Variants in EP400 observed in about 807,000 individuals in gnomAD.
EP400 encodes E1A binding protein p400, also known as E1A-binding protein p400.
In EP400, 105 loss-of-function variants were observed where a neutral mutation model predicts 354.1. The observed-to-expected ratio is 0.30, with a 90% confidence interval of 0.25 to 0.35. The LOEUF is 0.35. Among genes scored for constraint, EP400 ranks in the 10% least tolerant of loss-of-function variants. The pLI is 1.00. For missense variants in EP400, 3,280 were observed against 4,121.0 expected, an observed-to-expected ratio of 0.80 and a Z score of 5.59; for synonymous variants, 1,646 against 1,716.9, an observed-to-expected ratio of 0.96 and a Z score of 1.02.
intron 52 of EP400, among the ~76,000 whole-genome samples, chr12:132,076,991 A>T: frequency 6.6e-6 from 1 of 152,244 alleles, no homozygotes; most frequent in Admixed American, 6.5e-5. Context: ...AGGCGCTTTC[A>T]CTGTTGTCAC....
In EP400 at chr12:132,006,000, T is replaced by G. The variant is rs1893566867; in HGVS notation, c.2936-112T>G. 5 of 989,260 alleles carry G rather than the reference T, an allele frequency of 5.1e-6. No individual in the cohort carries two copies. In the East Asian group the frequency reaches 1.3e-4, roughly 26 times the overall value. The allele number at this position is 989,260 out of a possible 1,614,324, so 61.3% of individuals were successfully genotyped here. The stretch of plus-strand genomic sequence containing the variant: ...TTACAAATAAAAAATTATTGCCTAA[T>G]TCAGTATTTAAAGTAGTTGGATTCT... On this transcript the variant is annotated intron_variant, in intron 13 of 52. Coordinates refer to ENST00000389561, the MANE Select transcript of EP400 (RefSeq NM_015409.5).
At chr12:131,952,992 G>A (rs994388493) in intron 1 of EP400, among the ~76,000 whole-genome samples, 11 of 152,084 alleles carry the variant, frequency 7.2e-5, no homozygotes, top group Non-Finnish European at 1.6e-4. Flanking sequence ...ACCAAATTTG[G>A]AATTCATTTT....
rs995495161 is a variant in EP400 at position 132,038,730 on chromosome 12, C to A, written c.6207+634C>A. Among the ~76,000 whole-genome samples, 2 of 152,154 alleles carry A rather than the reference C, an allele frequency of 1.3e-5. No individual in the cohort carries two copies. Among genetic ancestry groups the A allele is most frequent in the East Asian group, 1.9e-4 (1 of 5,186 alleles). Reference sequence around the variant, plus strand: ...GCTGCTGTGTAGACATGTCACAGACCCGTCACGGGGCCGCTGTTCCCTCCC... The same window carrying A: ...GCTGCTGTGTAGACATGTCACAGACACGTCACGGGGCCGCTGTTCCCTCCC... On this transcript the variant is annotated intron_variant, in intron 32 of 52. Transcript: ENST00000389561. This position sits in a 1 kb window ranked among gnomAD's most constrained non-coding sequence, Gnocchi z 4.2.
At chr12:131,973,511 C>T (rs546820307) in intron 2 of EP400, among the ~76,000 whole-genome samples, 5 of 152,246 alleles carry the variant, frequency 3.3e-5, no homozygotes, top group South Asian at 2.1e-4. Flanking sequence ...GGTGTGGTGG[C>T]GTGTTCCCGT....
intron 45 of EP400, among the ~76,000 whole-genome samples, chr12:132,060,351 A>G (rs1438536283): frequency 6.6e-6 from 1 of 152,216 alleles, no homozygotes; most frequent in Non-Finnish European, 1.5e-5. Flanking sequence ...ATTTGAAGAC[A>G]GAATAGTTTT....
At chr12:132,046,280 A>G (rs1228947606) in intron 39 of EP400, among the ~76,000 whole-genome samples, 1 of 152,212 alleles carries the variant, frequency 6.6e-6, no homozygotes, top group Non-Finnish European at 1.5e-5. Context: ...TTTTGGATGA[A>G]TGAAAAGACC....
intron 11 of EP400, among the ~76,000 whole-genome samples, chr12:131,993,295 G>A (rs1250379665): frequency 6.6e-6 from 1 of 152,168 alleles, no homozygotes; most frequent in East Asian, 1.9e-4. Flanking sequence ...AAAGTGCTAG[G>A]ATTACAGGTG....
In EP400 at chr12:132,038,179, C is replaced by T. The variant is rs1459629329; in HGVS notation, c.6207+83C>T. ...GCACCCTCCCCCAGGGTTCTGGGTG[C>T]TCAGTCCCCACTCTTCCCTGGCCTG... is the stretch of plus-strand genomic sequence containing the variant. On this transcript the variant is annotated intron_variant, in intron 32 of 52. Coordinates refer to ENST00000389561, the MANE Select transcript of EP400 (RefSeq NM_015409.5). The surrounding 1 kb of genome is among the most constrained non-coding windows in gnomAD (Gnocchi z 4.2). 2 of 1,561,884 alleles carry T rather than the reference C, an allele frequency of 1.3e-6. No homozygotes were observed. Among genetic ancestry groups the T allele is most frequent in the Non-Finnish European group, 1.7e-6 (2 of 1,146,344 alleles).
In EP400 at chr12:132,062,620, G is replaced by C; in HGVS notation, c.8253G>C (p.Thr2751=). The change falls in exon 47 of 53, where the codon ACG becomes ACC. Residue 2751 remains threonine (T), a synonymous_variant. Transcript: ENST00000389561. ...QQQQQQQQTT[T]TSQVQVPQIQ... is the part of the protein sequence containing the mutation. ...AGCAGCAGCAGCAACAGACGACGAC[G>C]ACCTCTCAGGTGCAAGTTCCACAGA... is the stretch of plus-strand genomic sequence containing the variant. 1 of 1,613,812 alleles carries C rather than the reference G, an allele frequency of 6.2e-7. No homozygotes were observed. The highest frequency in any genetic ancestry group is 1.7e-5 in the Admixed American group (1 of 60,000).
At chr12:131,956,873 C>CTTTTTTTTTTT (rs58567170) in intron 1 of EP400, among the ~76,000 whole-genome samples, 1 of 115,404 alleles carries the variant, frequency 8.7e-6, no homozygotes, top group Non-Finnish European at 1.7e-5. Context: ...TTTTTTTGTC[C>CTTTTTTTTTTT]TTTTTTTTTT....
At chr12:132,064,626 C>A in intron 47 of EP400, 42 bp from the exon 48 acceptor site, 1 of 1,592,634 alleles carries the variant, frequency 6.3e-7, no homozygotes, top group South Asian at 1.1e-5. Flanking sequence ...AAGAATGGAG[C>A]ACAGTTAATG....
Position 132,029,616 on chromosome 12 carries a change from A to G in EP400, c.5382-85A>G. 1 of 1,437,318 alleles carries G rather than the reference A, an allele frequency of 7.0e-7. No homozygotes were observed. The highest frequency in any genetic ancestry group is 9.6e-7 in the Non-Finnish European group (1 of 1,038,810). 89.0% of individuals were successfully genotyped at this position (1,437,318 alleles called of 1,614,324 possible). On this transcript the variant is annotated intron_variant, in intron 27 of 52. Coordinates refer to ENST00000389561, the MANE Select transcript of EP400 (RefSeq NM_015409.5). The surrounding 1 kb of genome is among the most constrained non-coding windows in gnomAD (Gnocchi z 4.7). ...GTTTCCTGGGACTTGGACTGTCAGA[A>G]GTCTGCCCCATCTTTCAGGAGCCCC...
intron 2 of EP400, among the ~76,000 whole-genome samples, chr12:131,970,001 A>G (rs1892234229): frequency 6.6e-6 from 1 of 152,196 alleles, no homozygotes. Context: ...GTGAGCCAAG[A>G]TGGTGCCACT....
chr12:131,981,058 A>C lies in EP400; in HGVS notation c.1436-431A>C, dbSNP rs1892664491. Among the ~76,000 whole-genome samples the C allele has an allele frequency of 2.0e-5, 3 of 152,154 alleles. No homozygotes were observed. In the South Asian group the frequency reaches 6.2e-4, roughly 31 times the overall value. On this transcript the variant is annotated intron_variant, in intron 3 of 52. Transcript: ENST00000389561. ...TCCTCATTGATCTGATGGGTGAAAC[A>C]TTCCTTGTTCTGATATGGGTTTCTT...
At chr12:132,021,732 C>G (rs957349378) in intron 23 of EP400, among the ~76,000 whole-genome samples, 1 of 152,244 alleles carries the variant, frequency 6.6e-6, no homozygotes, top group African/African-American at 2.4e-5. Context: ...GTCATGTGAA[C>G]TAGCTTTAGG....
Position 132,067,242 on chromosome 12 carries a change from T to C in EP400, c.8750-120T>C, listed in dbSNP as rs1895921044. 7.0e-7 allele frequency: 1 copy of C among 1,425,026 alleles called. No individual in the cohort carries two copies. The highest frequency in any genetic ancestry group is 1.4e-5 in the African/African-American group (1 of 69,922). 88.3% of individuals were successfully genotyped at this position (1,425,026 alleles called of 1,614,324 possible). On this transcript the variant is annotated intron_variant, in intron 49 of 52. Transcript: ENST00000389561. The surrounding 1 kb of genome is among the most constrained non-coding windows in gnomAD (Gnocchi z 5.3). ...ATGTAGTTAAGGGATGGCTTACTTGTCTCCATAGAGTTTCATAGTTTGTTA... is the reference window on the plus strand; with the variant it reads ...ATGTAGTTAAGGGATGGCTTACTTGCCTCCATAGAGTTTCATAGTTTGTTA...
Position 131,986,700 on chromosome 12 carries a change from A to G in EP400, c.2116A>G (p.Thr706Ala). 6.2e-7 allele frequency: 1 copy of G among 1,613,906 alleles called. No individual in the cohort carries two copies. The highest frequency in any genetic ancestry group is 1.6e-4 in the Middle Eastern group (1 of 6,062). The change falls in exon 6 of 53, where the codon ACC (threonine) becomes GCC (alanine). Residue 706 changes from threonine to alanine, a missense_variant. Physicochemically the swap from Thr to Ala is moderately conservative, Grantham distance 58. Coordinates refer to ENST00000389561, the MANE Select transcript of EP400 (RefSeq NM_015409.5). The stretch of plus-strand genomic sequence containing the variant: ...GGCACTATCTCCAGTCACTTCCCGG[A>G]CCCCAGGGGTGGTGGCATCTGCCCC... The part of the protein sequence containing the change: ...NKALSPVTSR[T>A]PGVVASAPTK...
intron 32 of EP400, among the ~76,000 whole-genome samples, chr12:132,039,483 C>T (rs531222214): frequency 6.6e-6 from 1 of 152,158 alleles, no homozygotes; most frequent in Non-Finnish European, 1.5e-5. Flanking sequence ...ACCCACTCCC[C>T]CAGCCCCAGA....
At position 132,020,223 on chromosome 12, in the gene EP400, A is replaced by ACT. The variant is rs778526985; in HGVS notation, c.4447+6_4447+7dup. 1 of 1,597,314 alleles carries ACT rather than the reference A, an allele frequency of 6.3e-7. No homozygotes were observed. The highest frequency in any genetic ancestry group is 8.5e-7 in the Non-Finnish European group (1 of 1,172,000). The stretch of plus-strand genomic sequence containing the variant: ...CTGCCAATCCGGAGGCAAAAGGTAG[A>ACT]CTTCACGTAGTTGTCTGCTCTCCGC... On this transcript the variant is annotated splice_donor_region_variant and intron_variant, in intron 22 of 52. Coordinates refer to ENST00000389561, the MANE Select transcript of EP400 (RefSeq NM_015409.5).
Sources: allele counts gnomAD v4.1 joint callset (sites outside exome capture counted in the v4.1 genomes callset), GRCh38; gene constraint gnomAD v4.1.1; non-coding constraint Gnocchi (gnomAD v3.1); transcripts MANE v1.5; gene names NCBI Gene and HGNC (gene_info 2026-07-23, HGNC 2026-07-21).